MACROD2: variants seen among roughly 807,000 people sequenced by gnomAD.
The protein encoded by MACROD2 is ADP-ribose glycohydrolase MACROD2.
MACROD2 carries 36 observed loss-of-function variants against 70.4 expected under a neutral mutation model. The observed-to-expected ratio is 0.51, with a 90% CI of 0.39 to 0.68. The LOEUF is 0.68. Ranked by LOEUF, MACROD2 falls within the 30% of genes least tolerant of loss-of-function variation. The pLI is 0.00. For missense variants in MACROD2, 496 were observed against 538.4 expected, an observed-to-expected ratio of 0.92 and a Z score of 0.78; for synonymous variants, 172 against 178.8, an observed-to-expected ratio of 0.96 and a Z score of 0.30.
At chr20:14,347,271 G>A (rs1213664685) in intron 3 of MACROD2, among the ~76,000 whole-genome samples, 1 of 152,112 alleles carries the variant, frequency 6.6e-6, no homozygotes, top group Non-Finnish European at 1.5e-5. Context: ...GGAAGACAGA[G>A]GAAATTCTCT....
intron 3 of MACROD2, among the ~76,000 whole-genome samples, chr20:14,458,009 G>A (rs921427892): frequency 1.3e-5 from 2 of 151,896 alleles, no homozygotes; most frequent in African/African-American, 4.8e-5. Flanking sequence ...GCTGAGGCAG[G>A]AGAATTACTT....
At chr20:14,424,280 T>C (rs576445146) in intron 3 of MACROD2, among the ~76,000 whole-genome samples, 8 of 152,196 alleles carry the variant, frequency 5.3e-5, no homozygotes, top group African/African-American at 9.6e-5. Context: ...TGTATCCCCC[T>C]TTTTTAAATA....
At chr20:14,572,779 G>A (rs1241784026) in intron 4 of MACROD2, among the ~76,000 whole-genome samples, 5 of 151,806 alleles carry the variant, frequency 3.3e-5, no homozygotes, top group Non-Finnish European at 5.9e-5. Flanking sequence ...TTAGAATGGT[G>A]TGTTCAGCAC....
intron 8 of MACROD2, among the ~76,000 whole-genome samples, chr20:15,522,490 G>T (rs990567668): frequency 3.3e-5 from 5 of 152,152 alleles, no homozygotes; most frequent in African/African-American, 1.2e-4. Flanking sequence ...ACATGTGTGT[G>T]TATATACAAA....
chr20:15,731,843 C>T lies in MACROD2; in HGVS notation c.646-130902C>T, dbSNP rs1431429544. On this transcript the variant is annotated intron_variant, in intron 8 of 17. Transcript: ENST00000684519. ...CGATCTTGGCTCACTGCAAACTTCA[C>T]TTCCTGGGTTCAAGACATTCTCCTG... Among the ~76,000 whole-genome samples, 8 of 55,664 alleles carry T rather than the reference C, an allele frequency of 1.4e-4. 3 individuals are homozygous for T. Among genetic ancestry groups the T allele is most frequent in the Non-Finnish European group, 4.0e-4 (8 of 20,050 alleles). The allele number at this position is 55,664 out of a possible 152,430, so 36.5% of individuals were successfully genotyped here.
At chr20:15,845,670 AATAATAGT>A (rs1425912519) in intron 8 of MACROD2, among the ~76,000 whole-genome samples, 1 of 152,144 alleles carries the variant, frequency 6.6e-6, no homozygotes, top group Admixed American at 6.6e-5. Context: ...AAACATGTCC[AATAATAGT>A]TTTGCATGCA....
intron 8 of MACROD2, among the ~76,000 whole-genome samples, chr20:15,725,065 G>C (rs2146940692): frequency 6.6e-6 from 1 of 152,274 alleles, no homozygotes; most frequent in East Asian, 1.9e-4. Context: ...CTGGGCGACA[G>C]AGTGAGACTC....
In MACROD2 at chr20:15,615,728, C is replaced by T. The variant is rs897528236; in HGVS notation, c.645+115881C>T. 9.2e-5 allele frequency among the ~76,000 whole-genome samples: 14 copies of T among 152,234 alleles called. No homozygotes were observed. In the East Asian group the frequency reaches 2.7e-3, roughly 29 times the overall value. ...AATTCCACTTTGAAGCCCTCACACA[C>T]AAAAACAGACATTTATCCCTCCCTG... is the stretch of plus-strand genomic sequence containing the variant. On this transcript the variant is annotated intron_variant, in intron 8 of 17. Transcript: ENST00000684519.
intron 8 of MACROD2, among the ~76,000 whole-genome samples, chr20:15,694,622 T>C (rs2050341823): frequency 2.0e-5 from 3 of 152,198 alleles, no homozygotes. Flanking sequence ...TATTAGTCCT[T>C]TGCCAGATGT....
intron 6 of MACROD2, among the ~76,000 whole-genome samples, chr20:15,240,816 G>A (rs1467204783): frequency 2.6e-5 from 4 of 152,136 alleles, no homozygotes; most frequent in Admixed American, 2.6e-4. Context: ...GACACCAGAG[G>A]CCTTGCTTCC....
At chr20:14,227,429 C>T (rs537055206) in intron 3 of MACROD2, among the ~76,000 whole-genome samples, 47 of 152,264 alleles carry the variant, frequency 3.1e-4, no homozygotes, top group African/African-American at 1.0e-3. Flanking sequence ...CAGCTTCACT[C>T]CTGAAGCCAG....
At chr20:14,047,574 A>G (rs1427417832) in intron 2 of MACROD2, among the ~76,000 whole-genome samples, 12 of 152,014 alleles carry the variant, frequency 7.9e-5, no homozygotes, top group Non-Finnish European at 1.5e-4. Flanking sequence ...TAAGCTGGGT[A>G]GTGGACATAA....
At chr20:14,371,185 T>G (rs1261079164) in intron 3 of MACROD2, among the ~76,000 whole-genome samples, 3 of 152,210 alleles carry the variant, frequency 2.0e-5, no homozygotes, top group Non-Finnish European at 4.4e-5. Flanking sequence ...TTTTGTAAGT[T>G]TTATAAATAA....
intron 5 of MACROD2, among the ~76,000 whole-genome samples, chr20:14,718,727 C>T (rs1220079706): frequency 1.3e-5 from 2 of 151,998 alleles, no homozygotes; most frequent in Non-Finnish European, 2.9e-5. Context: ...TTACTAGAAA[C>T]AAAATTTCAT....
At chr20:15,706,888 A>G (rs2050540372) in intron 8 of MACROD2, among the ~76,000 whole-genome samples, 1 of 152,222 alleles carries the variant, frequency 6.6e-6, no homozygotes, top group Non-Finnish European at 1.5e-5. Flanking sequence ...AGATTTTCAC[A>G]AGTGGGCCAG....
At chr20:15,206,890 C>T (rs1432035917) in intron 5 of MACROD2, among the ~76,000 whole-genome samples, 8 of 150,946 alleles carry the variant, frequency 5.3e-5, no homozygotes. Context: ...GCGCCCGCCA[C>T]CGCGCCCGGC....
chr20:14,715,205 T>C (rs1042454372), intron 5 of MACROD2, among the ~76,000 whole-genome samples: 20 of 152,174 alleles, frequency 1.3e-4, no homozygotes, highest in African/African-American at 4.6e-4. Flanking sequence ...GGAAGCCTCT[T>C]ATAAAACCAT....
At chr20:15,138,432 TC>T (rs888566999) in intron 5 of MACROD2, among the ~76,000 whole-genome samples, 2 of 152,184 alleles carry the variant, frequency 1.3e-5, no homozygotes, top group African/African-American at 4.8e-5. Flanking sequence ...TTTAAGCTAT[TC>T]TTTTTTTAGG....
At chr20:14,524,226 C>A (rs1318962403) in intron 4 of MACROD2, among the ~76,000 whole-genome samples, 2 of 152,180 alleles carry the variant, frequency 1.3e-5, no homozygotes, top group Admixed American at 6.5e-5. Flanking sequence ...TTTCCTTCAA[C>A]TTATTTCACC....
Sources: gnomAD v4.1 joint callset for allele counts (sites outside exome capture counted in the v4.1 genomes callset) on GRCh38, gnomAD v4.1.1 for gene constraint, MANE v1.5 for transcripts, NCBI Gene and HGNC (gene_info 2026-07-23, HGNC 2026-07-21) for gene names.